The following KIFAP3 variants were observed in gnomAD, a reference collection of about 807,000 sequenced individuals.
KIFAP3 encodes kinesin associated protein 3.
In KIFAP3, 68 loss-of-function variants were observed where a neutral mutation model predicts 106.5. The observed-to-expected ratio is 0.64, with a 90% CI of 0.53 to 0.78. The LOEUF is 0.78. Ranked by LOEUF, KIFAP3 falls within the 30% of genes least tolerant of loss-of-function variation. KIFAP3 has a pLI of 0.00. For missense variants in KIFAP3, 780 were observed against 941.8 expected (o/e 0.83, Z 2.25); for synonymous variants, 320 against 311.5 (o/e 1.03, Z -0.29).
At chr1:170,067,040 A>C (rs1431500073) in intron 1 of KIFAP3, among the ~76,000 whole-genome samples, 1 of 152,146 alleles carries the variant, frequency 6.6e-6, no homozygotes, top group Non-Finnish European at 1.5e-5. Flanking sequence ...TTAAAAATAC[A>C]ATAACCAAAA....
chr1:170,030,801 A>G (rs1170174388), intron 8 of KIFAP3, among the ~76,000 whole-genome samples: 1 of 151,858 alleles, frequency 6.6e-6, no homozygotes, highest in Non-Finnish European at 1.5e-5. Flanking sequence ...GGCAGAAGGA[A>G]GAAGGAAAGG....
In KIFAP3 at chr1:170,035,384, T is replaced by G. The variant is rs1669633923; in HGVS notation, c.617+70A>C. ...CTGAGAGAACAAGTGATCTACAAAT[T>G]GAATCAATGACACAGACAAAGAGCA... On this transcript the variant is annotated intron_variant, in intron 6 of 19. Transcript: ENST00000361580. The G allele has an allele frequency of 4.5e-6, 4 of 887,936 alleles. No individual in the cohort carries two copies. In the East Asian group the frequency reaches 1.1e-4, roughly 25 times the overall value. 55.0% of individuals were successfully genotyped at this position (887,936 alleles called of 1,614,324 possible).
At chr1:169,954,571 G>A (rs576089445) in intron 18 of KIFAP3, among the ~76,000 whole-genome samples, 2 of 152,224 alleles carry the variant, frequency 1.3e-5, no homozygotes, top group East Asian at 3.9e-4. Context: ...AGCATGATTA[G>A]GGAATCAGAT....
chr1:169,973,253 A>G (rs1383974988), intron 16 of KIFAP3, among the ~76,000 whole-genome samples: 2 of 149,428 alleles, frequency 1.3e-5, no homozygotes, highest in Non-Finnish European at 3.0e-5. Flanking sequence ...CACAACAGAT[A>G]AAATTCTAAG....
intron 10 of KIFAP3, among the ~76,000 whole-genome samples, chr1:170,011,587 G>C (rs1044815282): frequency 4.0e-5 from 6 of 151,716 alleles, no homozygotes; most frequent in African/African-American, 1.4e-4. Context: ...TGTGAGGGTT[G>C]GGCTACACTG....
In KIFAP3 at chr1:169,981,410, T is replaced by C. The variant is rs372173072; in HGVS notation, c.1798+562A>G. 7.9e-5 allele frequency among the ~76,000 whole-genome samples: 12 copies of C among 152,272 alleles called. No homozygotes were observed. The East Asian group carries it at 1.5e-3, about 20-fold the overall frequency. On this transcript the variant is annotated intron_variant, in intron 15 of 19. Coordinates refer to ENST00000361580, the MANE Select transcript of KIFAP3 (RefSeq NM_014970.4). ...CTTAGTAGCCATCTCAGTTATCAGG[T>C]CCACTAGCATAGTATTGCAATGCTT...
intron 18 of KIFAP3, 33 bp from the exon 19 acceptor site, chr1:169,954,143 C>T (rs769240179): frequency 3.7e-5 from 48 of 1,313,800 alleles, no homozygotes; most frequent in East Asian, 1.4e-4. Context: ...ACCAGTAAAA[C>T]ATATGTGTAG....
chr1:169,936,366 A>G (rs779864559), intron 19 of KIFAP3, among the ~76,000 whole-genome samples: 1 of 151,840 alleles, frequency 6.6e-6, no homozygotes, highest in Non-Finnish European at 1.5e-5. Flanking sequence ...TACATTTTTT[A>G]GGACTCTGAT....
At chr1:169,977,128 A>C (rs1049942019) in intron 16 of KIFAP3, among the ~76,000 whole-genome samples, 1 of 152,204 alleles carries the variant, frequency 6.6e-6, no homozygotes, top group African/African-American at 2.4e-5. Flanking sequence ...TATATATCTA[A>C]CACATAAGCC....
intron 19 of KIFAP3, among the ~76,000 whole-genome samples, chr1:169,939,768 G>GA (rs150663261): frequency 0.023 from 3,444 of 152,248 alleles, 125 homozygotes; most frequent in African/African-American, 0.078. Flanking sequence ...CTTGAGAGCT[G>GA]AAAGAAGGGA....
chr1:170,068,214 T>G (rs1316015338), intron 1 of KIFAP3: 3 of 151,864 alleles, frequency 2.0e-5, no homozygotes, highest in Non-Finnish European at 4.4e-5. Context: ...ATAAAAAAAA[T>G]TAACAGAAAC....
At chr1:170,015,873 T>G (rs1668481738) in intron 10 of KIFAP3, among the ~76,000 whole-genome samples, 1 of 152,134 alleles carries the variant, frequency 6.6e-6, no homozygotes. Flanking sequence ...TGCTGGCAGC[T>G]AAAACAAAAT....
chr1:169,998,238 C>G (rs1195776090), intron 10 of KIFAP3, among the ~76,000 whole-genome samples: 1 of 151,998 alleles, frequency 6.6e-6, no homozygotes, highest in Admixed American at 6.6e-5. Context: ...TGAAGAGAAA[C>G]CTCACAATTA....
chr1:169,929,885 TG>T (rs1663368900), intron 19 of KIFAP3, among the ~76,000 whole-genome samples: 1 of 152,132 alleles, frequency 6.6e-6, no homozygotes, highest in Non-Finnish European at 1.5e-5. Flanking sequence ...AACAGCACCT[TG>T]GGGAAAAATC....
At chr1:170,054,651 C>T (rs1036225038) in intron 2 of KIFAP3, among the ~76,000 whole-genome samples, 1 of 152,122 alleles carries the variant, frequency 6.6e-6, no homozygotes, top group Non-Finnish European at 1.5e-5. Context: ...GAGTTCATGT[C>T]CTTTGCAGTG....
chr1:170,063,365 C>T (rs1204523144), intron 1 of KIFAP3, among the ~76,000 whole-genome samples: 1 of 152,184 alleles, frequency 6.6e-6, no homozygotes, highest in African/African-American at 2.4e-5. Flanking sequence ...TGAACTAATT[C>T]AACTGGTTCT....
intron 19 of KIFAP3, among the ~76,000 whole-genome samples, chr1:169,951,130 C>T (rs1664708115): frequency 6.6e-6 from 1 of 151,868 alleles, no homozygotes. Context: ...GTCTGTGGCT[C>T]TGCTGATACA....
chr1:170,024,684 G>A (rs1260183193), intron 8 of KIFAP3, 88 bp from the exon 9 acceptor site: 3 of 737,480 alleles, frequency 4.1e-6, no homozygotes, highest in Admixed American at 6.9e-5. Context: ...AGGCAACAGA[G>A]ATAGCCCTAA....
At chr1:170,019,674 TAGA>T (rs1668707198) in intron 9 of KIFAP3, among the ~76,000 whole-genome samples, 1 of 152,060 alleles carries the variant, frequency 6.6e-6, no homozygotes, top group Non-Finnish European at 1.5e-5. Context: ...AAGCAAGAAA[TAGA>T]AGAACTTCCT....
Sources: gnomAD v4.1 joint callset for allele counts (sites outside exome capture counted in the v4.1 genomes callset) on GRCh38, gnomAD v4.1.1 for gene constraint, MANE v1.5 for transcripts, NCBI Gene and HGNC (gene_info 2026-07-23, HGNC 2026-07-21) for gene names.